The following FAM168A variants were observed in gnomAD, a reference collection of about 807,000 sequenced individuals.
FAM168A encodes the protein family with sequence similarity 168 member A, also known as protein FAM168A.
FAM168A carries 3 observed loss-of-function variants against 28.5 expected under a neutral mutation model. That is an observed-to-expected ratio of 0.11 (90% CI 0.05 to 0.27). The LOEUF (loss-of-function observed/expected upper bound fraction) is 0.27. FAM168A is among the 10% of genes least tolerant of loss of function. The pLI is 1.00. For missense variants in FAM168A, 222 were observed against 311.5 expected (o/e 0.71, Z 2.16); for synonymous variants, 122 against 124.2 (o/e 0.98, Z 0.12).
intron 1 of FAM168A, among the ~76,000 whole-genome samples, chr11:73,576,812 T>C (rs1391776296): frequency 6.6e-6 from 1 of 152,052 alleles, no homozygotes; most frequent in Admixed American, 6.6e-5. Flanking sequence ...TAGACAATCC[T>C]CCAACCCAAA....
At chr11:73,512,070 G>A (rs1478869077) in intron 1 of FAM168A, among the ~76,000 whole-genome samples, 1 of 152,174 alleles carries the variant, frequency 6.6e-6, no homozygotes, top group East Asian at 1.9e-4. Context: ...CTGGCACACA[G>A]TAGAACCCTT....
At chr11:73,551,465 A>G (rs1943828017) in intron 1 of FAM168A, among the ~76,000 whole-genome samples, 1 of 152,346 alleles carries the variant, frequency 6.6e-6, no homozygotes, top group Admixed American at 6.5e-5. Flanking sequence ...ACCATGATTC[A>G]GCTATATAGC....
At chr11:73,500,230 A>G (rs1393638496) in intron 1 of FAM168A, among the ~76,000 whole-genome samples, 3 of 151,720 alleles carry the variant, frequency 2.0e-5, no homozygotes, top group Non-Finnish European at 4.4e-5. Context: ...ACATTCTTAA[A>G]GACAAGAGTT....
At chr11:73,552,519 T>C (rs555752350) in intron 1 of FAM168A, among the ~76,000 whole-genome samples, 3 of 152,370 alleles carry the variant, frequency 2.0e-5, no homozygotes, top group African/African-American at 7.2e-5. Flanking sequence ...GTTGTGGTGG[T>C]TGCTACTATT....
At chr11:73,496,741 T>C (rs1418625520) in intron 1 of FAM168A, among the ~76,000 whole-genome samples, 5 of 152,146 alleles carry the variant, frequency 3.3e-5, no homozygotes, top group Admixed American at 1.3e-4. Context: ...TTTGTATTTT[T>C]AGTAGAGACG....
Position 73,450,902 on chromosome 11 carries a change from A to G in FAM168A, c.70+17503T>C, listed in dbSNP as rs1266364722. Among the ~76,000 whole-genome samples, 3 of 152,348 alleles carry G rather than the reference A, an allele frequency of 2.0e-5. No individual in the cohort carries two copies. The East Asian group carries it at 5.8e-4, about 29-fold the overall frequency. ...TACAGTGGAGGTTCTCTAATCTCCC[A>G]AAGTATGCATATACTACTACTAGCT... On this transcript the variant is annotated intron_variant, in intron 2 of 7. Coordinates refer to ENST00000356467, the MANE Select transcript of FAM168A (RefSeq NM_015159.3).
chr11:73,546,719 C>T (rs557751873), intron 1 of FAM168A, among the ~76,000 whole-genome samples: 3 of 133,600 alleles, frequency 2.2e-5, no homozygotes, highest in Non-Finnish European at 4.7e-5. Context: ...GCAACAAGAG[C>T]GAAACTCCAT....
At chr11:73,410,706 TCTA>T (rs1409307761) in intron 5 of FAM168A, 1 of 152,222 alleles carries the variant, frequency 6.6e-6, no homozygotes, top group East Asian at 1.9e-4. Flanking sequence ...AGTTTTGTCT[TCTA>T]CTCTAAAATA....
At chr11:73,545,890 C>T (rs899228219) in intron 1 of FAM168A, among the ~76,000 whole-genome samples, 9 of 151,862 alleles carry the variant, frequency 5.9e-5, no homozygotes, top group Admixed American at 4.6e-4. Context: ...ACAAAAAAAC[C>T]CTGTGAGATG....
chr11:73,573,732 A>G (rs1165666866), intron 1 of FAM168A, among the ~76,000 whole-genome samples: 1 of 151,434 alleles, frequency 6.6e-6, no homozygotes, highest in African/African-American at 2.4e-5. Context: ...GGAAGACAGG[A>G]GGTTGGCTGG....
intron 3 of FAM168A, chr11:73,424,906 G>A: frequency 1.2e-6 from 1 of 817,012 alleles, no homozygotes; most frequent in Non-Finnish European, 1.8e-6. Context: ...AGCCACCTGG[G>A]GGGAGCCCAA....
chr11:73,488,621 T>C (rs1159755981), intron 1 of FAM168A, among the ~76,000 whole-genome samples: 2 of 152,164 alleles, frequency 1.3e-5, no homozygotes, highest in Admixed American at 1.3e-4. Context: ...ACTGCACCTG[T>C]ACCCACAGAC....
At position 73,409,472 on chromosome 11, in the gene FAM168A, A is replaced by G; in HGVS notation, c.595+15T>C. 1 of 1,612,982 alleles carries G rather than the reference A, an allele frequency of 6.2e-7. No individual in the cohort carries two copies. Among genetic ancestry groups the G allele is most frequent in the Non-Finnish European group, 8.5e-7 (1 of 1,179,572 alleles). ...AGAGGAAAGGGATGGACACTGATGC[A>G]GATGCTGCCCTCACCTGCTGACATT... On this transcript the variant is annotated intron_variant, in intron 6 of 7. Coordinates refer to ENST00000356467, the MANE Select transcript of FAM168A (RefSeq NM_015159.3).
At chr11:73,425,270 T>C (rs901996395) in intron 3 of FAM168A, among the ~76,000 whole-genome samples, 1 of 152,202 alleles carries the variant, frequency 6.6e-6, no homozygotes, top group African/African-American at 2.4e-5. Context: ...GATGCCATAG[T>C]GTCTTCCAGA....
chr11:73,473,653 C>G (rs116403203), intron 1 of FAM168A, among the ~76,000 whole-genome samples: 2,420 of 152,154 alleles, frequency 0.016, 63 homozygotes, highest in African/African-American at 0.056. Context: ...TTGCTTTTTC[C>G]CCACACCTAG....
chr11:73,486,870 A>C (rs147738018), intron 1 of FAM168A, among the ~76,000 whole-genome samples: 101 of 152,374 alleles, frequency 6.6e-4, no homozygotes, highest in African/African-American at 2.3e-3. Context: ...ATCCCTAAAC[A>C]TATTTTCTTG....
intron 1 of FAM168A, among the ~76,000 whole-genome samples, chr11:73,479,307 C>T (rs60818534): frequency 0.013 from 2,022 of 152,172 alleles, 45 homozygotes; most frequent in African/African-American, 0.045. Flanking sequence ...ATTTTAAAAC[C>T]ACTATTATTT....
chr11:73,506,524 T>G lies in FAM168A; in HGVS notation c.-18-38032A>C, dbSNP rs1406702392. On this transcript the variant is annotated intron_variant, in intron 1 of 7. Coordinates refer to ENST00000356467, the MANE Select transcript of FAM168A (RefSeq NM_015159.3). ...CCCTGTGAAAATATTAGAAATCTAT[T>G]ACAGGAAATCATTAGTGCTTCCAGG... Among the ~76,000 whole-genome samples the G allele has an allele frequency of 2.0e-5, 3 of 152,198 alleles. 1 individual carries two copies. In the East Asian group the frequency reaches 5.8e-4, roughly 29 times the overall value.
At chr11:73,508,695 T>C (rs573965800) in intron 1 of FAM168A, among the ~76,000 whole-genome samples, 2 of 152,136 alleles carry the variant, frequency 1.3e-5, no homozygotes, top group African/African-American at 4.8e-5. Flanking sequence ...CATGCCCTAA[T>C]AGTACTAGAC....
Sources: gnomAD v4.1 joint callset for allele counts (sites outside exome capture counted in the v4.1 genomes callset) on GRCh38, gnomAD v4.1.1 for gene constraint, MANE v1.5 for transcripts, NCBI Gene and HGNC (gene_info 2026-07-23, HGNC 2026-07-21) for gene names.